MLIP: variants seen among roughly 807,000 people sequenced by gnomAD.
MLIP encodes the protein muscular LMNA-interacting protein.
MLIP carries 79 observed loss-of-function variants against 84.8 expected under a neutral mutation model. The ratio of observed to expected loss-of-function variants is 0.93; its 90% CI spans 0.78 to 1.12. MLIP has a LOEUF of 1.12. Ranked by LOEUF, MLIP falls within the 50% of genes most tolerant of loss-of-function variation. MLIP has a pLI of 0.00. For missense variants in MLIP, 1,257 were observed against 1,160.6 expected (o/e 1.08, Z -1.21); for synonymous variants, 504 against 463.0 (o/e 1.09, Z -1.14).
At chr6:54,110,326 T>C (rs1027011205), upstream of MLIP, among the ~76,000 whole-genome samples, 1 of 152,136 alleles carries the variant, frequency 6.6e-6, no homozygotes, top group Non-Finnish European at 1.5e-5. Flanking sequence ...TTTGTATCTT[T>C]GTTATTTGTT....
intron 10 of MLIP, among the ~76,000 whole-genome samples, chr6:54,195,031 C>G (rs1582466356): frequency 6.6e-6 from 1 of 151,830 alleles, no homozygotes; most frequent in Non-Finnish European, 1.5e-5. Flanking sequence ...GGTAAATAAT[C>G]TAGAGAATAT....
In MLIP at chr6:54,230,926, TC is replaced by T; in HGVS notation, c.2922+11del. On this transcript the variant is annotated intron_variant, in intron 12 of 13. Transcript: ENST00000502396. Reference sequence around the variant, plus strand: ...ACAACGCATGCAACAAGGTGAGAACTCCTCCCCAAAATGAGGACTATTCTAT... The same window carrying T: ...ACAACGCATGCAACAAGGTGAGAACTCTCCCCAAAATGAGGACTATTCTAT... 6.2e-7 allele frequency: 1 copy of T among 1,613,300 alleles called. No individual in the cohort carries two copies.
intron 1 of MLIP, among the ~76,000 whole-genome samples, chr6:54,095,038 C>G (rs1161405010): frequency 6.6e-6 from 1 of 152,194 alleles, no homozygotes; most frequent in Non-Finnish European, 1.5e-5. Context: ...TGTGTGTCAA[C>G]CACCATCACC....
chr6:54,064,599 C>T (rs1766154880), intron 1 of MLIP, among the ~76,000 whole-genome samples: 1 of 99,632 alleles, frequency 1.0e-5, no homozygotes, highest in African/African-American at 2.6e-5. Context: ...AAATAAGAGT[C>T]AGGAACACCT....
At chr6:54,123,310 A>G (rs1388472794) in intron 2 of MLIP, among the ~76,000 whole-genome samples, 1 of 152,214 alleles carries the variant, frequency 6.6e-6, no homozygotes, top group Non-Finnish European at 1.5e-5. Context: ...GAATAAAGAC[A>G]ATTCATATAG....
intron 12 of MLIP, among the ~76,000 whole-genome samples, chr6:54,255,440 C>T (rs1172042266): frequency 6.6e-6 from 1 of 152,150 alleles, no homozygotes; most frequent in Non-Finnish European, 1.5e-5. Context: ...ATGACTAAAT[C>T]CATAAATCTT....
Position 54,252,166 on chromosome 6 carries a change from C to CTATAA in MLIP, c.2923-5138_2923-5137insATATA, listed in dbSNP as rs371338778. Among the ~76,000 whole-genome samples, 544 of 82,022 alleles carry CTATAA rather than the reference C, an allele frequency of 6.6e-3. 42 individuals are homozygous for CTATAA. Among genetic ancestry groups the CTATAA allele is most frequent in the African/African-American group, 0.035 (486 of 13,928 alleles). 53.8% of individuals were successfully genotyped at this position (82,022 alleles called of 152,430 possible). ...CTATAATATAACATATAATATATAA[C>CTATAA]TATATTATAACATAATATATAACTA... On this transcript the variant is annotated intron_variant, in intron 12 of 13. Transcript: ENST00000502396.
chr6:54,130,242 T>A (rs975454082), intron 3 of MLIP, among the ~76,000 whole-genome samples: 1 of 152,110 alleles, frequency 6.6e-6, no homozygotes, highest in African/African-American at 2.4e-5. Context: ...GAAGAACATA[T>A]CTGGAAAATC....
At chr6:54,208,932 T>G (rs531806954) in intron 11 of MLIP, among the ~76,000 whole-genome samples, 117 of 152,306 alleles carry the variant, frequency 7.7e-4, no homozygotes, top group Admixed American at 1.5e-3. Context: ...GCTTAGGAAA[T>G]GCAATCAAAG....
rs530201109 is a variant in MLIP, at chr6:54,264,992, G to A, written c.2977-958G>A. On this transcript the variant is annotated intron_variant, in intron 13 of 13. Transcript: ENST00000502396. Reference sequence around the variant, plus strand: ...GGCCAAGACATTCACCTTGCACATAGGAGCCAGCTCTAAGTCACCACTGCT... The same window carrying A: ...GGCCAAGACATTCACCTTGCACATAAGAGCCAGCTCTAAGTCACCACTGCT... Among the ~76,000 whole-genome samples the A allele has an allele frequency of 1.8e-4, 27 of 152,180 alleles. No individual in the cohort carries two copies. In the East Asian group the frequency reaches 4.8e-3, roughly 27 times the overall value.
chr6:54,221,361 G>A (rs1398602813), intron 11 of MLIP, among the ~76,000 whole-genome samples: 1 of 152,020 alleles, frequency 6.6e-6, no homozygotes, highest in African/African-American at 2.4e-5. Context: ...GAACTCCAGA[G>A]TGAATAACAA....
intron 11 of MLIP, chr6:54,217,403 T>C (rs1779926808): frequency 3.0e-6 from 3 of 985,306 alleles, no homozygotes; most frequent in South Asian, 9.4e-5. Flanking sequence ...GATTTGATGG[T>C]TGAGTAGAAA....
At position 54,083,067 on chromosome 6, in the gene MLIP, A is replaced by C. The variant is rs1363954052; in HGVS notation, c.64-38380A>C. Among the ~76,000 whole-genome samples the C allele has an allele frequency of 2.0e-5, 3 of 152,104 alleles. No homozygotes were observed. The East Asian group carries it at 5.8e-4, about 29-fold the overall frequency. On this transcript the variant is annotated intron_variant, in intron 1 of 12. Coordinates refer to the MLIP transcript ENST00000274897. ...CTTCAGTTCCTGGCATATCCACCAA[A>C]ACTGTCTGAATTAATTTGAGAGTAC...
chr6:54,249,919 A>T (rs564089019), intron 12 of MLIP, among the ~76,000 whole-genome samples: 2 of 152,126 alleles, frequency 1.3e-5, no homozygotes, highest in South Asian at 4.2e-4. Context: ...AGTATTCATT[A>T]GTTGTTTTTC....
intron 8 of MLIP, among the ~76,000 whole-genome samples, chr6:54,164,905 T>C (rs953618622): frequency 1.3e-5 from 2 of 151,968 alleles, no homozygotes; most frequent in Admixed American, 1.3e-4. Context: ...CTATTACTAA[T>C]AAAGCTGCCA....
chr6:54,211,991 A>T (rs914920375), intron 11 of MLIP, among the ~76,000 whole-genome samples: 1 of 152,332 alleles, frequency 6.6e-6, no homozygotes, highest in Non-Finnish European at 1.5e-5. Context: ...ACATAAAAAA[A>T]GAAGGTAAAA....
chr6:54,194,986 GTC>G (rs1161187054), intron 10 of MLIP, among the ~76,000 whole-genome samples: 4 of 151,910 alleles, frequency 2.6e-5, no homozygotes, highest in Non-Finnish European at 5.9e-5. Flanking sequence ...AAGAATTAGG[GTC>G]TATAAATCTG....
At chr6:54,232,500 C>G (rs1431684367) in intron 12 of MLIP, among the ~76,000 whole-genome samples, 1 of 152,016 alleles carries the variant, frequency 6.6e-6, no homozygotes, top group Admixed American at 6.6e-5. Flanking sequence ...AATAAAGAAC[C>G]ATTCATAACC....
intron 12 of MLIP, among the ~76,000 whole-genome samples, chr6:54,247,792 G>A (rs542810689): frequency 6.6e-6 from 1 of 152,082 alleles, no homozygotes; most frequent in South Asian, 2.1e-4. Context: ...CCAACTCTTG[G>A]CCCCCACATC....
Sources: gnomAD v4.1 joint callset for allele counts (sites outside exome capture counted in the v4.1 genomes callset) on GRCh38, gnomAD v4.1.1 for gene constraint, MANE v1.5 for transcripts, NCBI Gene and HGNC (gene_info 2026-07-23, HGNC 2026-07-21) for gene names.